The following AGAP1 variants were observed in gnomAD, a reference collection of about 807,000 sequenced individuals.
AGAP1 encodes the protein ArfGAP with GTPase domain, ankyrin repeat and PH domain 1, also known as arf-GAP with GTPase, ANK repeat and PH domain-containing protein 1.
A neutral mutation model predicts 105.3 loss-of-function variants in AGAP1; 29 were observed. That is an observed-to-expected ratio of 0.28 (90% CI 0.21 to 0.38). The LOEUF (loss-of-function observed/expected upper bound fraction) is 0.38. Ranked by LOEUF, AGAP1 falls within the 10% of genes least tolerant of loss-of-function variation. The pLI, the probability that AGAP1 is intolerant of heterozygous loss-of-function variation, is 1.00. For synonymous variants in AGAP1, 509 were observed against 485.9 expected, an observed-to-expected ratio of 1.05 and a Z score of -0.63; for missense variants, 998 against 1,165.1, an observed-to-expected ratio of 0.86 and a Z score of 2.09.
rs1575931666 is a variant in AGAP1, at chr2:235,971,638, C to T, written c.1645+3015C>T. ...CCAGGAGGTGGAGCTTGCAGTGAGC[C>T]GGGATGGCGCCACTGCGCTCCAGCC... is the stretch of plus-strand genomic sequence containing the variant. On this transcript the variant is annotated intron_variant, in intron 13 of 17. Transcript: ENST00000304032. This position sits in a 1 kb window ranked among gnomAD's most constrained non-coding sequence, Gnocchi z 4.8. 6.6e-6 allele frequency among the ~76,000 whole-genome samples: 1 copy of T among 150,694 alleles called. No homozygotes were observed. Among genetic ancestry groups the T allele is most frequent in the African/African-American group, 2.4e-5 (1 of 40,978 alleles).
Position 235,625,753 on chromosome 2 carries a change from T to A in AGAP1, c.164-83426T>A, listed in dbSNP as rs1337170807. 6.6e-6 allele frequency among the ~76,000 whole-genome samples: 1 copy of A among 152,192 alleles called. No individual in the cohort carries two copies. The highest frequency in any genetic ancestry group is 1.5e-5 in the Non-Finnish European group (1 of 68,028). On this transcript the variant is annotated intron_variant, in intron 1 of 17. Transcript: ENST00000304032. The surrounding 1 kb of genome is among the most constrained non-coding windows in gnomAD (Gnocchi z 4.0). ...TTTGTTTGTAGCTTCAGCTAGTACT[T>A]TTCATTGTAATCATGGCTCAGGTTT...
rs781327222 is a variant in AGAP1, at chr2:235,960,594, C to T, written c.1484-7868C>T. On this transcript the variant is annotated intron_variant, in intron 12 of 17. Transcript: ENST00000304032. The surrounding 1 kb of genome is among the most constrained non-coding windows in gnomAD (Gnocchi z 4.9). ...GCTATCGGCGTGCTTACTGGAGATGCGATTCCCCTCTTCCTTCTTTGTTCA... is the reference window on the plus strand; with the variant it reads ...GCTATCGGCGTGCTTACTGGAGATGTGATTCCCCTCTTCCTTCTTTGTTCA... Among the ~76,000 whole-genome samples the T allele has an allele frequency of 3.3e-5, 5 of 152,276 alleles. No homozygotes were observed. The highest frequency in any genetic ancestry group is 2.1e-4 in the South Asian group (1 of 4,822).
Position 235,865,421 on chromosome 2 carries a change from C to T in AGAP1, c.1051-17924C>T, listed in dbSNP as rs970799884. On this transcript the variant is annotated intron_variant, in intron 9 of 17. Coordinates refer to ENST00000304032, the MANE Select transcript of AGAP1 (RefSeq NM_001037131.3). This position sits in a 1 kb window ranked among gnomAD's most constrained non-coding sequence, Gnocchi z 6.2. Reference sequence around the variant, plus strand: ...CACGTGTGGCGCCGACCCCGCCGTGCGCAATCGGGGCTTTATACGATTGCT... The same window carrying T: ...CACGTGTGGCGCCGACCCCGCCGTGTGCAATCGGGGCTTTATACGATTGCT... Among the ~76,000 whole-genome samples, 4 of 152,334 alleles carry T rather than the reference C, an allele frequency of 2.6e-5. No individual in the cohort carries two copies. The highest frequency in any genetic ancestry group is 3.4e-3 in the Middle Eastern group (1 of 294).
At position 235,712,072 on chromosome 2, in the gene AGAP1, T is replaced by G. The variant is rs2149524063; in HGVS notation, c.222+2835T>G. On this transcript the variant is annotated intron_variant, in intron 2 of 17. Coordinates refer to ENST00000304032, the MANE Select transcript of AGAP1 (RefSeq NM_001037131.3). The surrounding 1 kb of genome is among the most constrained non-coding windows in gnomAD (Gnocchi z 6.0). ...CGGGGTCTCACTCTGTCACCCAGGC[T>G]GGAGTGCAGTGGCGCCATCTCGGCT... Among the ~76,000 whole-genome samples, 1 of 152,290 alleles carries G rather than the reference T, an allele frequency of 6.6e-6. No homozygotes were observed. Among genetic ancestry groups the G allele is most frequent in the South Asian group, 2.1e-4 (1 of 4,820 alleles).
intron 16 of AGAP1, among the ~76,000 whole-genome samples, chr2:236,093,948 T>C (rs1377699743): frequency 2.0e-5 from 3 of 152,142 alleles, no homozygotes; most frequent in Non-Finnish European, 4.4e-5. Context: ...TAGAGCACTT[T>C]TCACAAATAG....
At chr2:235,510,778 G>A (rs1192264225) in intron 1 of AGAP1, among the ~76,000 whole-genome samples, 2 of 152,026 alleles carry the variant, frequency 1.3e-5, no homozygotes, top group Non-Finnish European at 2.9e-5. Flanking sequence ...GAAGTGTCTT[G>A]TACTGATGAG....
At chr2:236,025,427 C>T (rs1037306074) in intron 13 of AGAP1, among the ~76,000 whole-genome samples, 5 of 152,078 alleles carry the variant, frequency 3.3e-5, no homozygotes, top group African/African-American at 1.2e-4. Flanking sequence ...TCGGGGCCAT[C>T]GGTGATTTGA....
At chr2:235,745,853 C>T (rs569473869) in intron 5 of AGAP1, among the ~76,000 whole-genome samples, 3 of 152,296 alleles carry the variant, frequency 2.0e-5, no homozygotes, top group East Asian at 1.9e-4. Context: ...TCCAGCCAGA[C>T]GTGGTGGCTC....
At position 236,090,095 on chromosome 2, in the gene AGAP1, C is replaced by T. The variant is rs2059020639; in HGVS notation, c.2115-30097C>T. On this transcript the variant is annotated intron_variant, in intron 16 of 17. Transcript: ENST00000304032. The surrounding 1 kb of genome is among the most constrained non-coding windows in gnomAD (Gnocchi z 4.3). ...TGTTTACCAGGAAACCCACTGCTCTCCTCACCTTGCCCTGCGCGCCTGAGC... is the reference window on the plus strand; with the variant it reads ...TGTTTACCAGGAAACCCACTGCTCTTCTCACCTTGCCCTGCGCGCCTGAGC... Among the ~76,000 whole-genome samples, 1 of 152,200 alleles carries T rather than the reference C, an allele frequency of 6.6e-6. No individual in the cohort carries two copies. The highest frequency in any genetic ancestry group is 1.5e-5 in the Non-Finnish European group (1 of 68,052).
At chr2:235,675,676 G>A (rs55979911) in intron 1 of AGAP1, among the ~76,000 whole-genome samples, 25,138 of 152,074 alleles carry the variant, frequency 0.17, 2,381 homozygotes, top group East Asian at 0.29. Context: ...TTTGTTTAGG[G>A]CTAAAATGAT....
rs1216227916 is a variant in AGAP1 at position 235,578,784 on chromosome 2, C to CA, written c.163+83951dup. Reference sequence around the variant, plus strand: ...TGGGCAATACAGCGAGACTCAGTCTCAAAAAAAAAAAAAAAATTTTTTTTT... The same window carrying CA: ...TGGGCAATACAGCGAGACTCAGTCTCAAAAAAAAAAAAAAAAATTTTTTTTT... On this transcript the variant is annotated intron_variant, in intron 1 of 17. Transcript: ENST00000304032. The surrounding 1 kb of genome is among the most constrained non-coding windows in gnomAD (Gnocchi z 4.9). Among the ~76,000 whole-genome samples, 1,019 of 117,760 alleles carry CA rather than the reference C, an allele frequency of 8.7e-3. 7 individuals are homozygous for CA. The highest frequency in any genetic ancestry group is 0.012 in the Non-Finnish European group (675 of 55,810). 77.3% of individuals were successfully genotyped at this position (117,760 alleles called of 152,430 possible). A position where few individuals can be genotyped will look rare whatever the true frequency, so the allele number is the denominator to read the frequency against.
chr2:235,872,400 G>T lies in AGAP1; in HGVS notation c.1051-10945G>T, dbSNP rs546569783. ...GATGGTTTTCACATGTACAAAAGTGGCATCTGAAAGATGGACAAAGTATGC... is the reference window on the plus strand; with the variant it reads ...GATGGTTTTCACATGTACAAAAGTGTCATCTGAAAGATGGACAAAGTATGC... On this transcript the variant is annotated intron_variant, in intron 9 of 17. Transcript: ENST00000304032. The surrounding 1 kb of genome is among the most constrained non-coding windows in gnomAD (Gnocchi z 4.5). 4.9e-4 allele frequency among the ~76,000 whole-genome samples: 75 copies of T among 152,320 alleles called. No individual in the cohort carries two copies. The highest frequency in any genetic ancestry group is 1.7e-3 in the African/African-American group (72 of 41,570).
At chr2:235,640,575 A>G (rs1390622397) in intron 1 of AGAP1, among the ~76,000 whole-genome samples, 1 of 152,190 alleles carries the variant, frequency 6.6e-6, no homozygotes, top group African/African-American at 2.4e-5. Context: ...CTCTTCGGTA[A>G]ACAGCTTCAG....
Position 235,754,279 on chromosome 2 carries a change from C to G in AGAP1, c.673+3791C>G, listed in dbSNP as rs1193517025. On this transcript the variant is annotated intron_variant, in intron 6 of 17. Transcript: ENST00000304032. This position sits in a 1 kb window ranked among gnomAD's most constrained non-coding sequence, Gnocchi z 4.6. Reference sequence around the variant, plus strand: ...AGCAGGGCCCCTGCCTGCTCGCCGACTCAGTTTATTCACATTTCTTGATAA... The same window carrying G: ...AGCAGGGCCCCTGCCTGCTCGCCGAGTCAGTTTATTCACATTTCTTGATAA... Among the ~76,000 whole-genome samples the G allele has an allele frequency of 6.6e-6, 1 of 152,232 alleles. No homozygotes were observed. The highest frequency in any genetic ancestry group is 2.4e-5 in the African/African-American group (1 of 41,446).
intron 16 of AGAP1, among the ~76,000 whole-genome samples, chr2:236,118,255 T>C (rs1395226793): frequency 3.3e-5 from 5 of 152,186 alleles, no homozygotes; most frequent in Admixed American, 1.3e-4. Context: ...CATTTGTAAC[T>C]GTGTACTCTG....
chr2:235,581,007 TC>T (rs1439736605), intron 1 of AGAP1, among the ~76,000 whole-genome samples: 2 of 151,968 alleles, frequency 1.3e-5, no homozygotes, highest in African/African-American at 4.8e-5. Context: ...CTTACAGTAA[TC>T]CCGTGAGGTG....
intron 13 of AGAP1, among the ~76,000 whole-genome samples, chr2:236,015,136 T>C (rs1026723123): frequency 3.9e-5 from 6 of 152,272 alleles, no homozygotes; most frequent in African/African-American, 1.4e-4. Flanking sequence ...GATGTTTAAA[T>C]TACTTCAGAA....
In AGAP1 at chr2:236,001,252, G is replaced by C. The variant is rs528508964; in HGVS notation, c.1645+32629G>C. On this transcript the variant is annotated intron_variant, in intron 13 of 17. Coordinates refer to ENST00000304032, the MANE Select transcript of AGAP1 (RefSeq NM_001037131.3). This position sits in a 1 kb window ranked among gnomAD's most constrained non-coding sequence, Gnocchi z 4.7. ...GACAGGTCCTCCGGGGAGCCTTCAT[G>C]GGGAGCCCTGGCATGGCCTTCAGGC... Among the ~76,000 whole-genome samples the C allele has an allele frequency of 3.9e-5, 6 of 152,324 alleles. No homozygotes were observed. In the East Asian group the frequency reaches 7.7e-4, roughly 20 times the overall value.
At chr2:235,580,661 C>T (rs147620334) in intron 1 of AGAP1, among the ~76,000 whole-genome samples, 1 of 152,242 alleles carries the variant, frequency 6.6e-6, no homozygotes, top group African/African-American at 2.4e-5. Context: ...GTTTTGTTAC[C>T]TGCTGATAGC....
Sources: gnomAD v4.1 joint callset for allele counts (sites outside exome capture counted in the v4.1 genomes callset) on GRCh38, gnomAD v4.1.1 for gene constraint, Gnocchi (gnomAD v3.1) non-coding constraint, MANE v1.5 for transcripts, NCBI Gene and HGNC (gene_info 2026-07-23, HGNC 2026-07-21) for gene names.